PKP4: variants seen among roughly 807,000 people sequenced by gnomAD.
PKP4 encodes the protein plakophilin 4, also known as plakophilin-4.
PKP4 carries 90 observed loss-of-function variants against 145.1 expected under a neutral mutation model. That is an observed-to-expected ratio of 0.62 (90% confidence interval 0.52 to 0.74). The LOEUF (loss-of-function observed/expected upper bound fraction) is 0.74, where lower values mean the gene tolerates loss of function less well. Among genes scored for constraint, PKP4 ranks in the 30% least tolerant of loss-of-function variants. The probability of loss-of-function intolerance (pLI) is 0.00; values close to 1 mark genes in which losing one functional copy is unlikely to be tolerated. For missense variants in PKP4, 1,340 were observed against 1,482.7 expected (o/e 0.90, Z 1.58); for synonymous variants, 563 against 577.2 (o/e 0.98, Z 0.35).
intron 3 of PKP4, among the ~76,000 whole-genome samples, chr2:158,601,810 AC>A (rs1452858164): frequency 5.9e-5 from 9 of 152,184 alleles, no homozygotes; most frequent in Non-Finnish European, 1.2e-4. Context: ...AGGGTTTTCA[AC>A]CAGCAAGTTT....
At chr2:158,609,359 A>C (rs1199346342) in intron 4 of PKP4, among the ~76,000 whole-genome samples, 1 of 152,214 alleles carries the variant, frequency 6.6e-6, no homozygotes, top group Non-Finnish European at 1.5e-5. Context: ...AAAGACCATC[A>C]GTCCACTTAG....
intron 15 of PKP4, 36 bp from the exon 16 acceptor site, chr2:158,666,377 G>C: frequency 6.5e-7 from 1 of 1,531,650 alleles, no homozygotes; most frequent in Non-Finnish European, 8.7e-7. Context: ...CTGGAACTCT[G>C]TTTTATGTTA....
intron 1 of PKP4, among the ~76,000 whole-genome samples, chr2:158,472,210 C>A (rs929227862): frequency 2.0e-5 from 3 of 152,192 alleles, no homozygotes; most frequent in African/African-American, 4.8e-5. Context: ...TGTTAATAAG[C>A]TGGATTTAAC....
At chr2:158,525,079 CAGAA>C (rs201218287) in intron 1 of PKP4, among the ~76,000 whole-genome samples, 38 of 2,546 alleles carry the variant, frequency 0.015, 2 homozygotes, top group East Asian at 0.074. Context: ...ATCAACGAGA[CAGAA>C]AGTCAACAAG....
At chr2:158,623,983 G>GA (rs1392960227) in intron 6 of PKP4, among the ~76,000 whole-genome samples, 1 of 152,156 alleles carries the variant, frequency 6.6e-6, no homozygotes, top group Non-Finnish European at 1.5e-5. Flanking sequence ...GTAACTGCAG[G>GA]AATCAACAGA....
intron 13 of PKP4, chr2:158,662,206 G>A (rs1223530505): frequency 3.9e-5 from 6 of 152,528 alleles, no homozygotes; most frequent in African/African-American, 7.2e-5. Flanking sequence ...GGAGAAGAGA[G>A]AGGAATGCAA....
chr2:158,465,564 T>C (rs1204053501), intron 1 of PKP4, among the ~76,000 whole-genome samples: 1 of 152,226 alleles, frequency 6.6e-6, no homozygotes, highest in Non-Finnish European at 1.5e-5. Flanking sequence ...TTATTGTGTT[T>C]TGTGCTTTTC....
chr2:158,494,465 G>T (rs1695391714), intron 1 of PKP4, among the ~76,000 whole-genome samples: 1 of 152,136 alleles, frequency 6.6e-6, no homozygotes, highest in Non-Finnish European at 1.5e-5. Flanking sequence ...TGATATGTCT[G>T]AAGTGATGAT....
At chr2:158,512,728 C>T (rs896814301) in intron 1 of PKP4, among the ~76,000 whole-genome samples, 1 of 152,166 alleles carries the variant, frequency 6.6e-6, no homozygotes, top group Non-Finnish European at 1.5e-5. Context: ...GAACAACCAC[C>T]AGTACTGACA....
intron 1 of PKP4, among the ~76,000 whole-genome samples, chr2:158,521,055 A>C (rs2105564674): frequency 6.6e-6 from 1 of 152,304 alleles, no homozygotes; most frequent in Admixed American, 6.5e-5. Context: ...ATATTTCTGT[A>C]ACTCTCCAGA....
intron 1 of PKP4, among the ~76,000 whole-genome samples, chr2:158,473,510 A>G (rs1229607782): frequency 6.6e-6 from 1 of 152,206 alleles, no homozygotes; most frequent in East Asian, 1.9e-4. Flanking sequence ...TTTTGCAAGA[A>G]CATGGATGGA....
At chr2:158,538,949 T>G (rs889638682) in intron 2 of PKP4, among the ~76,000 whole-genome samples, 2 of 152,202 alleles carry the variant, frequency 1.3e-5, no homozygotes, top group East Asian at 3.8e-4. Context: ...AAGAATAGAT[T>G]TGGTAAAATA....
At chr2:158,638,657 T>C (rs2054013238) in intron 9 of PKP4, among the ~76,000 whole-genome samples, 2 of 152,136 alleles carry the variant, frequency 1.3e-5, no homozygotes, top group African/African-American at 4.8e-5. Flanking sequence ...GGTGAGGGGA[T>C]AATATTAGAA....
In PKP4 at chr2:158,503,965, C is replaced by CTTTT. The variant is rs59715903; in HGVS notation, c.-5-29195_-5-29192dup. Reference sequence around the variant, plus strand: ...TTTTAGGATTTCTGGTAAATTCTGGCTTTTTTTTTTTTTTTTTTTTTTTGA... The same window carrying CTTTT: ...TTTTAGGATTTCTGGTAAATTCTGGCTTTTTTTTTTTTTTTTTTTTTTTTTTTGA... On this transcript the variant is annotated intron_variant, in intron 1 of 21. Coordinates refer to ENST00000389759, the MANE Select transcript of PKP4 (RefSeq NM_003628.6). 2.4e-4 allele frequency among the ~76,000 whole-genome samples: 21 copies of CTTTT among 86,892 alleles called. No homozygotes were observed. In the South Asian group the frequency reaches 4.4e-3, roughly 18 times the overall value. The allele number at this position is 86,892 out of a possible 152,430, so 57.0% of individuals were successfully genotyped here.
At chr2:158,532,525 C>G (rs577164030) in intron 1 of PKP4, among the ~76,000 whole-genome samples, 1 of 152,152 alleles carries the variant, frequency 6.6e-6, no homozygotes, top group Non-Finnish European at 1.5e-5. Flanking sequence ...CATCGTTTCC[C>G]CCTATTTTCC....
chr2:158,554,647 G>A (rs938415905), intron 2 of PKP4, among the ~76,000 whole-genome samples: 2 of 151,960 alleles, frequency 1.3e-5, no homozygotes, highest in African/African-American at 2.4e-5. Context: ...GGATGGTCTC[G>A]ATCTCCTGAC....
intron 1 of PKP4, among the ~76,000 whole-genome samples, chr2:158,526,406 C>T (rs2042952419): frequency 2.6e-5 from 1 of 39,168 alleles, no homozygotes; most frequent in Non-Finnish European, 5.4e-5. Context: ...TCAATAGATG[C>T]AGAAAAAGCC....
intron 1 of PKP4, among the ~76,000 whole-genome samples, chr2:158,475,186 C>T (rs1692262849): frequency 6.6e-6 from 1 of 152,152 alleles, no homozygotes; most frequent in Non-Finnish European, 1.5e-5. Context: ...TTATAGCTGT[C>T]TTAAGGAAGT....
chr2:158,518,894 T>C (rs749514548), intron 1 of PKP4, among the ~76,000 whole-genome samples: 3 of 152,210 alleles, frequency 2.0e-5, no homozygotes, highest in African/African-American at 4.8e-5. Flanking sequence ...TATAGTAACA[T>C]ATATAATTTT....
Sources: gnomAD v4.1 joint callset for allele counts (sites outside exome capture counted in the v4.1 genomes callset) on GRCh38, gnomAD v4.1.1 for gene constraint, MANE v1.5 for transcripts, NCBI Gene and HGNC (gene_info 2026-07-23, HGNC 2026-07-21) for gene names.